COASY: variants seen among roughly 807,000 people sequenced by gnomAD.
COASY encodes Coenzyme A synthase, also known as bifunctional coenzyme A synthase.
COASY carries 31 observed loss-of-function variants against 49.4 expected under a neutral mutation model. That is an observed-to-expected ratio of 0.63 (90% CI 0.47 to 0.85). COASY has a LOEUF of 0.85. Among genes scored for constraint, COASY ranks in the 40% least tolerant of loss-of-function variants. The probability of loss-of-function intolerance (pLI) is 0.00; values close to 1 mark genes in which losing one functional copy is unlikely to be tolerated. For missense variants in COASY, 730 were observed against 734.1 expected, an observed-to-expected ratio of 0.99 and a Z score of 0.06; for synonymous variants, 285 against 310.9, an observed-to-expected ratio of 0.92 and a Z score of 0.88.
rs770394938 is a variant in COASY at position 42,565,290 on chromosome 17, A to G, written c.1366A>G (p.Met456Val). Residue 456 changes from methionine (M) to valine (V), a missense_variant, in exon 6 of 9, where the codon ATG becomes GTG. Transcript: ENST00000393818. ...TATCGCAAAGCTGGCCCGAGAGGAG[A>G]TGGATCGGGCTGTGGCTGAGGGTGA... is the stretch of plus-strand genomic sequence containing the variant. ...PIIAKLAREEMDRAVAEGKRV... is the reference protein window; with the variant it reads ...PIIAKLAREEVDRAVAEGKRV... 7 of 1,614,060 alleles carry G rather than the reference A, an allele frequency of 4.3e-6. No individual in the cohort carries two copies. Among genetic ancestry groups the G allele is most frequent in the South Asian group, 2.2e-5 (2 of 91,080 alleles).
intron 1 of COASY, 52 bp downstream of exon 1, chr17:42,563,374 C>T (rs2092987333): frequency 3.4e-6 from 5 of 1,453,620 alleles, no homozygotes; most frequent in Non-Finnish European, 4.6e-6. Flanking sequence ...ATCTCCCCAC[C>T]CCCGACCCTT....
chr17:42,565,665 A>C lies in COASY; in HGVS notation c.1492A>C (p.Arg498=). The change falls in exon 8 of 9, where the codon AGA becomes CGA. Residue 498 remains arginine (R), a synonymous_variant. Coordinates refer to ENST00000393818, the MANE Select transcript of COASY (RefSeq NM_025233.7). ...TAVIPETEAV[R]RIVERDGLSE... ...ATGTCTCGTCTGTGCTCAGGCTGTA[A>C]GACGCATTGTGGAGAGGGATGGCCT... 2 of 1,614,134 alleles carry C rather than the reference A, an allele frequency of 1.2e-6. No homozygotes were observed. The highest frequency in any genetic ancestry group is 1.6e-4 in the Middle Eastern group (1 of 6,062).
Position 42,565,208 on chromosome 17 carries a change from C to T in COASY, c.1303-19C>T, listed in dbSNP as rs1163630990. On this transcript the variant is annotated intron_variant, in intron 5 of 8. Transcript: ENST00000393818. ...CTCTTCTAGAGAAGGTAACCTCTGC[C>T]CTCTGTTCCCCTCCCCAGAAGCAGC... 7 of 1,613,394 alleles carry T rather than the reference C, an allele frequency of 4.3e-6. No individual in the cohort carries two copies. The South Asian group carries it at 5.5e-5, about 13-fold the overall frequency.
In COASY at chr17:42,562,252, C is replaced by A. The variant is rs1000543807; in HGVS notation, c.-371C>A. On this transcript the variant is annotated 5_prime_UTR_variant, in exon 1 of 9. Transcript: ENST00000393818. ...GGGGGCCGACGTGAGCTTTAGCGTC[C>A]CCCTTTAGCCTCCCTCTTCGATTCC... is the stretch of plus-strand genomic sequence containing the variant. 1.5e-5 allele frequency: 9 copies of A among 605,812 alleles called. No homozygotes were observed. In the African/African-American group the frequency reaches 1.7e-4, roughly 11 times the overall value. The allele number at this position is 605,812 out of a possible 1,614,324, so 37.5% of individuals were successfully genotyped here.
chr17:42,564,925 GC>G, intron 4 of COASY, 27 bp downstream of exon 4: 1 of 1,614,098 alleles, frequency 6.2e-7, no homozygotes, highest in Non-Finnish European at 8.5e-7. Flanking sequence ...GCTGAAAGTG[GC>G]CTGGAGTGAG....
chr17:42,563,455 C>T (rs760790777), intron 1 of COASY, 133 bp downstream of exon 1: 4 of 875,120 alleles, frequency 4.6e-6, no homozygotes, highest in South Asian at 1.8e-5. Context: ...GTGGTTGACA[C>T]TCAATTGGTG....
In COASY at chr17:42,565,807, T is replaced by C. The variant is rs1257309039; in HGVS notation, c.1632+2T>C. ...GAGCCGCATATCACCCAACGCCAGG[T>C]TGGTGCCCAGGGCAAGGCCGGGTTG... On this transcript the variant is annotated splice_donor_variant, in intron 8 of 8. Coordinates refer to ENST00000393818, the MANE Select transcript of COASY (RefSeq NM_025233.7). LOFTEE classifies it high-confidence loss of function. 1 of 1,613,912 alleles carries C rather than the reference T, an allele frequency of 6.2e-7. No individual in the cohort carries two copies. The highest frequency in any genetic ancestry group is 1.1e-5 in the South Asian group (1 of 91,084).
rs369027722 is a variant in COASY, at chr17:42,563,083, C to G, written c.461C>G (p.Ser154Cys). 2.4e-5 allele frequency: 38 copies of G among 1,614,056 alleles called. No individual in the cohort carries two copies. Among genetic ancestry groups the G allele is most frequent in the Non-Finnish European group, 3.2e-5 (38 of 1,179,936 alleles). The part of the protein sequence containing the change: ...CPRLASVLLY[S>C]DYGIGEVPVE... ...CGACTGGCCTCGGTGCTGCTATACT[C>G]CGATTATGGGATAGGAGAAGTGCCC... The change falls in exon 1 of 9, where the codon TCC (serine) becomes TGC (cysteine). Residue 154 changes from serine to cysteine, a missense_variant. Physicochemically the swap from Ser to Cys is moderately radical, Grantham distance 112 (BLOSUM62 -1). Transcript: ENST00000393818.
At position 42,566,181 on chromosome 17, in the gene COASY, T is replaced by G. The variant is rs1418624743; in HGVS notation, c.*213T>G. 7 of 591,908 alleles carry G rather than the reference T, an allele frequency of 1.2e-5. No homozygotes were observed. In the East Asian group the frequency reaches 2.0e-4, roughly 17 times the overall value. 36.7% of individuals were successfully genotyped at this position (591,908 alleles called of 1,614,324 possible). A position where few individuals can be genotyped will look rare whatever the true frequency, so the allele number is the denominator to read the frequency against. On this transcript the variant is annotated 3_prime_UTR_variant, in exon 9 of 9. Coordinates refer to ENST00000393818, the MANE Select transcript of COASY (RefSeq NM_025233.7). ...TGTGGTTCATGGGGGAGCAGTCCCC[T>G]CCCCACTCTTGCCCATGGGTGACTC...
At position 42,565,905 on chromosome 17, in the gene COASY, G is replaced by C. The variant is rs900085144; in HGVS notation, c.1633-1G>C. 6.2e-7 allele frequency: 1 copy of C among 1,613,884 alleles called. No homozygotes were observed. Among genetic ancestry groups the C allele is most frequent in the African/African-American group, 1.3e-5 (1 of 74,934 alleles). On this transcript the variant is annotated splice_acceptor_variant, in intron 8 of 8. Transcript: ENST00000393818. LOFTEE classifies it high-confidence loss of function. ...CTCCCAACATCCTGGCCTGTCTGAA[G>C]GTGGAGAAAGCCTGGGCCCTCTTGC...
rs763420863 is a variant in COASY at position 42,565,581 on chromosome 17, AC to A, written c.1485+19del. 2 of 1,613,426 alleles carry A rather than the reference AC, an allele frequency of 1.2e-6. No homozygotes were observed. Among genetic ancestry groups the A allele is most frequent in the African/African-American group, 1.3e-5 (1 of 74,718 alleles). On this transcript the variant is annotated intron_variant, in intron 7 of 8. Transcript: ENST00000393818. ...CCCAGAGACTGAGGTATCTCGCCCC[AC>A]CCCCCACACCATCCCTACTGCAGAT...
Position 42,563,992 on chromosome 17 carries a change from TACAGA to T in COASY, c.735_739del (p.Glu246CysfsTer6). ...TGCTCCCTGAGCTGCTCCAACCTTATACAGAACGTGTGGAACATCTGAGTGAATTC... is the reference window on the plus strand; with the variant it reads ...TGCTCCCTGAGCTGCTCCAACCTTATACGTGTGGAACATCTGAGTGAATTC... On this transcript the variant is annotated frameshift_variant, in exon 2 of 9. Coordinates refer to ENST00000393818, the MANE Select transcript of COASY (RefSeq NM_025233.7). LOFTEE classifies it high-confidence loss of function. 1 of 1,613,710 alleles carries T rather than the reference TACAGA, an allele frequency of 6.2e-7. No individual in the cohort carries two copies. Among genetic ancestry groups the T allele is most frequent in the Non-Finnish European group, 8.5e-7 (1 of 1,179,768 alleles).
Position 42,564,735 on chromosome 17 carries a change from CTA to C in COASY, c.1076_1077del (p.Tyr359CysfsTer28), listed in dbSNP as rs1225047225. 6.5e-6 allele frequency: 10 copies of C among 1,527,894 alleles called. No homozygotes were observed. The highest frequency in any genetic ancestry group is 8.8e-6 in the Non-Finnish European group (10 of 1,142,082). The allele number at this position is 1,527,894 out of a possible 1,614,324, so 94.6% of individuals were successfully genotyped here. On this transcript the variant is annotated frameshift_variant, in exon 4 of 9. Transcript: ENST00000393818. LOFTEE classifies it high-confidence loss of function. Reference sequence around the variant, plus strand: ...AAAGGCCAGAGCTCCCCACATGTCTCTATGTAATTGGGCTGACTGGCATCAGT... The same window carrying C: ...AAAGGCCAGAGCTCCCCACATGTCTCTGTAATTGGGCTGACTGGCATCAGT... ...YERPELPTCL[Y>X]VIGLTGISGS...
At position 42,563,280 on chromosome 17, in the gene COASY, G is replaced by A. The variant is rs767698305; in HGVS notation, c.658G>A (p.Glu220Lys). Residue 220 changes from glutamate to lysine, a missense_variant, in exon 1 of 9, where the codon GAG becomes AAG. By Grantham distance (56) the Glu-to-Lys change is moderately conservative (BLOSUM62 1). Transcript: ENST00000393818. ...CAGTGTCGCGTGCATCCTGGCCCAG[G>A]AGCAGCTTGTGGTGGGAGTAGCAGA... ...LLSVACILAQ[E>K]QLVVGVADKD... 7.5e-5 allele frequency: 121 copies of A among 1,606,140 alleles called. No individual in the cohort carries two copies. The highest frequency in any genetic ancestry group is 1.6e-4 in the Middle Eastern group (1 of 6,076).
At chr17:42,564,624 C>G in intron 3 of COASY, 47 bp downstream of exon 3, 3 of 1,574,800 alleles carry the variant, frequency 1.9e-6, no homozygotes, top group Non-Finnish European at 2.6e-6. Context: ...CCTGGCAATG[C>G]TGGAGAGTAG....
In COASY at chr17:42,562,879, T is replaced by C. The variant is rs778462315; in HGVS notation, c.257T>C (p.Leu86Pro). 1 of 1,612,704 alleles carries C rather than the reference T, an allele frequency of 6.2e-7. No homozygotes were observed. The highest frequency in any genetic ancestry group is 8.5e-7 in the Non-Finnish European group (1 of 1,178,966). Residue 86 changes from leucine to proline, a missense_variant, in exon 1 of 9, where the codon CTA becomes CCA. Physicochemically the swap from Leu to Pro is moderately conservative, Grantham distance 98 (BLOSUM62 -3). Coordinates refer to ENST00000393818, the MANE Select transcript of COASY (RefSeq NM_025233.7). ...CACAGGCACTTGGACGTCAGAATCC[T>C]ACTGACCAATATCCGAACCAAGAGC... ...DVHRHLDVRI[L>P]LTNIRTKSTF...
At position 42,562,236 on chromosome 17, in the gene COASY, C is replaced by T. The variant is rs945978440; in HGVS notation, c.-387C>T. The T allele has an allele frequency of 1.8e-6, 1 of 569,596 alleles. No individual in the cohort carries two copies. Among genetic ancestry groups the T allele is most frequent in the Non-Finnish European group, 3.1e-6 (1 of 322,838 alleles). 35.3% of individuals were successfully genotyped at this position (569,596 alleles called of 1,614,324 possible). On this transcript the variant is annotated 5_prime_UTR_variant, in exon 1 of 9. The change creates a new upstream start codon in the 5' untranslated region. Coordinates refer to ENST00000393818, the MANE Select transcript of COASY (RefSeq NM_025233.7). ...GAGGTTTCAGTGAGTAGGGGGCCGA[C>T]GTGAGCTTTAGCGTCCCCCTTTAGC...
In COASY at chr17:42,564,443, C is replaced by T. The variant is rs764722100; in HGVS notation, c.916-3C>T. 1.9e-6 allele frequency: 3 copies of T among 1,614,028 alleles called. No homozygotes were observed. The highest frequency in any genetic ancestry group is 8.5e-7 in the Non-Finnish European group (1 of 1,179,996). ...TCTTTTTACCCTTTCCTCTTTACCC[C>T]AGGACCTGGAGGAACTTGCTTTGTA... On this transcript the variant is annotated splice_region_variant and splice_polypyrimidine_tract_variant and intron_variant, in intron 2 of 8. Coordinates refer to ENST00000393818, the MANE Select transcript of COASY (RefSeq NM_025233.7).
In COASY at chr17:42,564,550, G is replaced by A. The variant is rs1000096293; in HGVS notation, c.1020G>A (p.Met340Ile). Residue 340 changes from methionine (M) to isoleucine (I), a missense_variant, in exon 3 of 9, where the codon ATG becomes ATA. Physicochemically the swap from Met to Ile is conservative, Grantham distance 10. Coordinates refer to ENST00000393818, the MANE Select transcript of COASY (RefSeq NM_025233.7). Reference sequence around the variant, plus strand: ...GCTCCTCCAGCTTCCGCCAGCGAATGTTGGGGAACCTGCTTCGGCCTCCAT... The same window carrying A: ...GCTCCTCCAGCTTCCGCCAGCGAATATTGGGGAACCTGCTTCGGCCTCCAT... ...KVSSSSFRQR[M>I]LGNLLRPPYE... is the part of the protein sequence containing the mutation. 1.9e-6 allele frequency: 3 copies of A among 1,613,688 alleles called. No individual in the cohort carries two copies. In the Admixed American group the frequency reaches 5.0e-5, roughly 27 times the overall value.
Sources: gnomAD v4.1 joint callset for allele counts on GRCh38, gnomAD v4.1.1 for gene constraint, MANE v1.5 for transcripts, NCBI Gene and HGNC (gene_info 2026-07-23, HGNC 2026-07-21) for gene names.